The following RPS10 variants were observed in gnomAD, a reference collection of about 807,000 sequenced individuals.
RPS10 encodes small ribosomal subunit protein eS10.
A neutral mutation model predicts 22.6 loss-of-function variants in RPS10; 2 were observed. The ratio of observed to expected loss-of-function variants is 0.09; its 90% CI spans 0.04 to 0.28. The LOEUF (loss-of-function observed/expected upper bound fraction) is 0.28, where lower values mean the gene tolerates loss of function less well. Among genes scored for constraint, RPS10 ranks in the 10% least tolerant of loss-of-function variants. The probability of loss-of-function intolerance (pLI) is 1.00; values close to 1 mark genes in which losing one functional copy is unlikely to be tolerated. For synonymous variants in RPS10, 70 were observed against 75.9 expected (o/e 0.92, Z 0.40); for missense variants, 137 against 222.2 (o/e 0.62, Z 2.44).
intron 4 of RPS10, among the ~76,000 whole-genome samples, chr6:34,419,138 C>A (rs1765676352): frequency 6.6e-6 from 1 of 151,788 alleles, no homozygotes; most frequent in Non-Finnish European, 1.5e-5. Context: ...CCTGCCTCAG[C>A]CTCCCGAGTA....
rs144878909 is a variant in RPS10, at chr6:34,420,447, A to G, written c.400+1283T>C. 4.0e-3 allele frequency among the ~76,000 whole-genome samples: 611 copies of G among 152,030 alleles called. 6 individuals are homozygous for G. Among genetic ancestry groups the G allele is most frequent in the African/African-American group, 0.013 (545 of 41,466 alleles). ...TGGCCAGGCTGGTCTTGAACTCCTG[A>G]CCTCAAGTGATCCACCTGCCTCGGC... On this transcript the variant is annotated intron_variant, in intron 4 of 5. Transcript: ENST00000648437.
intron 3 of RPS10, among the ~76,000 whole-genome samples, chr6:34,423,828 G>A (rs1389152963): frequency 2.0e-5 from 3 of 152,084 alleles, no homozygotes; most frequent in East Asian, 1.9e-4. Context: ...GCAGTAAGCT[G>A]AGATCGCACC....
intron 5 of RPS10, chr6:34,418,143 T>C (rs1381421855): frequency 2.1e-5 from 30 of 1,452,766 alleles, no homozygotes; most frequent in Non-Finnish European, 2.7e-5. Flanking sequence ...AAAATACTAG[T>C]AGGCCACATG....
At chr6:34,421,262 C>T (rs570634988) in intron 4 of RPS10, among the ~76,000 whole-genome samples, 1 of 151,932 alleles carries the variant, frequency 6.6e-6, no homozygotes, top group Non-Finnish European at 1.5e-5. Context: ...CGGCTCACTG[C>T]GGCCTCTGCC....
chr6:34,424,738 G>A lies in RPS10; in HGVS notation c.253C>T (p.Leu85=). The stretch of plus-strand genomic sequence containing the variant: ...GTGGCAGGCACAATCTCCGGGGGCA[G>A]ATGAAGGTAATCACGGAGATACTGG... ...GIQYLRDYLH[L]PPEIVPATLR... Residue 85 remains leucine, a synonymous_variant, in exon 3 of 6, where the codon CTG becomes TTG. Transcript: ENST00000648437. 1 of 1,614,156 alleles carries A rather than the reference G, an allele frequency of 6.2e-7. No homozygotes were observed. The highest frequency in any genetic ancestry group is 8.5e-7 in the Non-Finnish European group (1 of 1,180,036).
intron 3 of RPS10, chr6:34,424,162 AAAG>A (rs1258467665): frequency 4.0e-4 from 60 of 150,960 alleles, no homozygotes; most frequent in African/African-American, 1.5e-3. Context: ...AAAAAAAAAA[AAAG>A]CAACTGTGAG....
intron 2 of RPS10, 21 bp from the exon 3 acceptor site, chr6:34,424,861 G>A (rs1433359738): frequency 1.2e-6 from 2 of 1,613,600 alleles, no homozygotes; most frequent in East Asian, 4.5e-5. Flanking sequence ...GAAAACTACT[G>A]TTAAGGCGTT....
chr6:34,418,251 G>T, intron 5 of RPS10, 118 bp downstream of exon 5: 1 of 1,571,736 alleles, frequency 6.4e-7, no homozygotes, highest in Non-Finnish European at 8.6e-7. Context: ...AAAGTGGGAG[G>T]AGGGAACTGG....
chr6:34,420,410 G>A lies in RPS10; in HGVS notation c.400+1320C>T, dbSNP rs576152456. 2.6e-5 allele frequency among the ~76,000 whole-genome samples: 4 copies of A among 152,080 alleles called. No homozygotes were observed. The South Asian group carries it at 8.3e-4, about 32-fold the overall frequency. ...GCTAATTTTTTAAAGTAGAGATGGG[G>A]TTTTACCATGCTGGCCAGGCTGGTC... On this transcript the variant is annotated intron_variant, in intron 4 of 5. Coordinates refer to ENST00000648437, the MANE Select transcript of RPS10 (RefSeq NM_001014.5).
chr6:34,417,977 C>G, intron 5 of RPS10: 3 of 707,454 alleles, frequency 4.2e-6, no homozygotes, highest in Non-Finnish European at 7.7e-6. Context: ...CTGTAATTAT[C>G]ACCTTATTTT....
rs1251391177 is a variant in RPS10 at position 34,417,516 on chromosome 6, G to C, written c.488C>G (p.Pro163Arg). The change falls in exon 6 of 6, where the codon CCA becomes CGA. Residue 163 changes from proline (P) to arginine (R), a missense_variant. Coordinates refer to ENST00000648437, the MANE Select transcript of RPS10 (RefSeq NM_001014.5). ...GAATCCTCTCCAATTTTACTGAGGT[G>C]GCTGACCACGTCCACGACCAAATCC... is the stretch of plus-strand genomic sequence containing the variant. ...RGGFGRGRGQPPQ is the reference protein window; with the variant it reads ...RGGFGRGRGQRPQ The C allele has an allele frequency of 6.2e-7, 1 of 1,612,488 alleles. No individual in the cohort carries two copies. The highest frequency in any genetic ancestry group is 1.1e-5 in the South Asian group (1 of 90,986).
intron 4 of RPS10, among the ~76,000 whole-genome samples, chr6:34,418,688 C>A (rs947913170): frequency 6.6e-6 from 1 of 152,118 alleles, no homozygotes; most frequent in African/African-American, 2.4e-5. Context: ...TCCTATCACA[C>A]TGACTGACTT....
In RPS10 at chr6:34,418,139, C is replaced by CTAG. The variant is rs1479654566; in HGVS notation, c.456+227_456+229dup. 1.8e-5 allele frequency: 26 copies of CTAG among 1,454,138 alleles called. No homozygotes were observed. The African/African-American group carries it at 3.6e-4, about 20-fold the overall frequency. The allele number at this position is 1,454,138 out of a possible 1,614,324, so 90.1% of individuals were successfully genotyped here. ...TCAAGCATTAATGAAACAGAAAATA[C>CTAG]TAGTAGGCCACATGTACTGATTTCT... is the stretch of plus-strand genomic sequence containing the variant. On this transcript the variant is annotated intron_variant, in intron 5 of 5. Coordinates refer to ENST00000648437, the MANE Select transcript of RPS10 (RefSeq NM_001014.5).
chr6:34,418,285 A>G, intron 5 of RPS10, 84 bp downstream of exon 5: 1 of 1,608,646 alleles, frequency 6.2e-7, no homozygotes, highest in Non-Finnish European at 8.5e-7. Flanking sequence ...CCCATACTAT[A>G]TGACATCCCC....
intron 3 of RPS10, 47 bp from the exon 4 acceptor site, chr6:34,421,854 C>T: frequency 2.5e-6 from 4 of 1,611,332 alleles, no homozygotes; most frequent in East Asian, 2.2e-5. Flanking sequence ...TGTGAGAACT[C>T]TGTCCCTTAA....
intron 4 of RPS10, among the ~76,000 whole-genome samples, chr6:34,419,375 C>T (rs946462412): frequency 1.3e-5 from 2 of 151,890 alleles, no homozygotes; most frequent in African/African-American, 4.8e-5. Flanking sequence ...GTTGCCCGGG[C>T]TGGTCTAGAA....
intron 3 of RPS10, 147 bp downstream of exon 3, chr6:34,424,522 C>T (rs1765886059): frequency 9.1e-7 from 1 of 1,100,506 alleles, no homozygotes; most frequent in Non-Finnish European, 1.3e-6. Context: ...ATTCCAAGTC[C>T]CAAGCCATGG....
intron 4 of RPS10, 107 bp from the exon 5 acceptor site, chr6:34,418,531 T>A (rs1765652996): frequency 1.3e-6 from 2 of 1,547,606 alleles, no homozygotes; most frequent in Non-Finnish European, 1.8e-6. Context: ...CAAGTACCAC[T>A]CCGTTAAATA....
At chr6:34,424,232 T>C (rs1301325593) in intron 3 of RPS10, 25 of 199,670 alleles carry the variant, frequency 1.3e-4, no homozygotes, top group Non-Finnish European at 1.0e-5. Flanking sequence ...CATGCATGCA[T>C]ATCCTTTCAC....
Sources: allele counts gnomAD v4.1 joint callset (sites outside exome capture counted in the v4.1 genomes callset), GRCh38; gene constraint gnomAD v4.1.1; transcripts MANE v1.5; gene names NCBI Gene and HGNC (gene_info 2026-07-23, HGNC 2026-07-21).